The following UMAD1 variants were observed in gnomAD, a reference collection of about 807,000 sequenced individuals.
The protein encoded by UMAD1 is UBAP1-MVB12-associated (UMA)-domain containing protein 1.
A neutral mutation model predicts 6.1 loss-of-function variants in UMAD1; 8 were observed. The ratio of observed to expected loss-of-function variants is 1.30; its 90% CI spans 0.76 to 2.35. The LOEUF is 2.35. UMAD1 is among the 30% of genes most tolerant of loss of function. The pLI is 0.00. For missense variants in UMAD1, 130 were observed against 78.4 expected, an observed-to-expected ratio of 1.66 and a Z score of -2.49; for synonymous variants, 56 against 31.4, an observed-to-expected ratio of 1.78 and a Z score of -2.61.
At chr7:7,836,158 T>C (rs1783564517) in intron 3 of UMAD1, among the ~76,000 whole-genome samples, 2 of 152,052 alleles carry the variant, frequency 1.3e-5, no homozygotes, top group Non-Finnish European at 2.9e-5. Flanking sequence ...TAACAGCTTT[T>C]AATGCTTACT....
chr7:7,799,288 A>T (rs1394135365), intron 2 of UMAD1, among the ~76,000 whole-genome samples: 7 of 152,220 alleles, frequency 4.6e-5, no homozygotes, highest in Non-Finnish European at 1.0e-4. Context: ...TGCAGATGGC[A>T]ATTTTCCTTG....
intron 2 of UMAD1, among the ~76,000 whole-genome samples, chr7:7,757,472 C>A (rs1781799645): frequency 6.6e-6 from 1 of 152,094 alleles, no homozygotes; most frequent in African/African-American, 2.4e-5. Flanking sequence ...AAGTAAAGTT[C>A]TTTGTGCTGT....
intron 3 of UMAD1, 99 bp from the exon 4 acceptor site, chr7:7,877,182 C>T (rs1224831750): frequency 2.5e-5 from 16 of 631,200 alleles, no homozygotes; most frequent in East Asian, 1.6e-4. Context: ...TTTATATAGC[C>T]CACATTGCTC....
intron 3 of UMAD1, among the ~76,000 whole-genome samples, chr7:7,868,132 C>T (rs1306791583): frequency 1.3e-5 from 2 of 152,104 alleles, no homozygotes; most frequent in African/African-American, 4.8e-5. Flanking sequence ...AAAATATGAG[C>T]TGCCTGGACA....
At chr7:7,871,400 G>A (rs1004228938) in intron 3 of UMAD1, among the ~76,000 whole-genome samples, 8 of 152,172 alleles carry the variant, frequency 5.3e-5, no homozygotes, top group African/African-American at 1.9e-4. Flanking sequence ...TGGTCATTGG[G>A]TTTGATTATC....
chr7:7,645,980 G>T (rs1002272147), intron 1 of UMAD1, among the ~76,000 whole-genome samples: 1 of 152,120 alleles, frequency 6.6e-6, no homozygotes, highest in African/African-American at 2.4e-5. Context: ...CTCGGCTGCC[G>T]TGTACTCAAA....
At chr7:7,784,963 C>T (rs1782433679) in intron 2 of UMAD1, among the ~76,000 whole-genome samples, 1 of 152,050 alleles carries the variant, frequency 6.6e-6, no homozygotes, top group African/African-American at 2.4e-5. Flanking sequence ...GGGGTTTCAC[C>T]GTGTCCTTCC....
intron 2 of UMAD1, among the ~76,000 whole-genome samples, chr7:7,761,363 T>TAAAAA (rs375910269): frequency 3.3e-5 from 4 of 121,128 alleles, no homozygotes; most frequent in Non-Finnish European, 6.7e-5. Context: ...GAGACCTAAC[T>TAAAAA]AAAAAAAAAA....
intron 2 of UMAD1, among the ~76,000 whole-genome samples, chr7:7,701,697 G>T (rs559084503): frequency 4.3e-4 from 66 of 152,146 alleles, no homozygotes; most frequent in Non-Finnish European, 7.9e-4. Flanking sequence ...AGAATGACAG[G>T]GTATTTACTT....
At chr7:7,832,800 A>G (rs1467152039) in intron 3 of UMAD1, among the ~76,000 whole-genome samples, 1 of 152,222 alleles carries the variant, frequency 6.6e-6, no homozygotes, top group Non-Finnish European at 1.5e-5. Context: ...AAGCTGTAGT[A>G]AGTATTCTAC....
intron 2 of UMAD1, among the ~76,000 whole-genome samples, chr7:7,778,268 G>A: frequency 7.2e-6 from 1 of 139,766 alleles, no homozygotes; most frequent in East Asian, 2.0e-4. Flanking sequence ...GTGTGTGTGT[G>A]TGTGTGTGAG....
At chr7:7,836,464 A>G (rs17560750) in intron 3 of UMAD1, among the ~76,000 whole-genome samples, 14,386 of 151,944 alleles carry the variant, frequency 0.095, 769 homozygotes, top group Middle Eastern at 0.13. Context: ...TATTTTTTAT[A>G]CCTTTGAAGT....
chr7:7,718,514 C>T lies in UMAD1; in HGVS notation c.82+45061C>T, dbSNP rs529874466. ...TCCAACAAATTCAAACAGATACTTA[C>T]AAAATTAAGACGATTGTAAATGTGT... On this transcript the variant is annotated intron_variant, in intron 2 of 3. Coordinates refer to ENST00000682710, the MANE Select transcript of UMAD1 (RefSeq NM_001302348.2). 29 of 152,262 alleles carry T rather than the reference C, an allele frequency of 1.9e-4. 1 individual carries two copies. Among genetic ancestry groups the T allele is most frequent in the African/African-American group, 6.5e-4 (27 of 41,552 alleles). The allele number at this position is 152,262 out of a possible 1,614,324, so 9.4% of individuals were successfully genotyped here.
At chr7:7,849,049 T>C (rs976626129) in intron 3 of UMAD1, among the ~76,000 whole-genome samples, 3 of 152,176 alleles carry the variant, frequency 2.0e-5, no homozygotes, top group African/African-American at 7.2e-5. Context: ...GGGATAATGC[T>C]GAGTATGATG....
At chr7:7,763,406 A>G (rs1455034411) in intron 2 of UMAD1, among the ~76,000 whole-genome samples, 2 of 152,182 alleles carry the variant, frequency 1.3e-5, no homozygotes, top group African/African-American at 2.4e-5. Context: ...TTCAGCCCAC[A>G]TTCTCCTCCC....
chr7:7,753,911 TG>T (rs1471194993), intron 2 of UMAD1, among the ~76,000 whole-genome samples: 9 of 152,110 alleles, frequency 5.9e-5, no homozygotes. Context: ...GGGCCCGGTG[TG>T]GTGGCTCATT....
intron 2 of UMAD1, among the ~76,000 whole-genome samples, chr7:7,726,399 C>G (rs1362044320): frequency 6.6e-6 from 1 of 152,206 alleles, no homozygotes; most frequent in Non-Finnish European, 1.5e-5. Flanking sequence ...TCCCCATCAT[C>G]CTGAAGTAGC....
At chr7:7,797,336 A>G (rs996906695) in intron 2 of UMAD1, among the ~76,000 whole-genome samples, 8 of 152,158 alleles carry the variant, frequency 5.3e-5, no homozygotes, top group Admixed American at 5.2e-4. Context: ...ACATTTCAAC[A>G]TGAGTTTTGG....
chr7:7,681,972 G>A (rs1008676071), intron 2 of UMAD1, among the ~76,000 whole-genome samples: 9 of 152,066 alleles, frequency 5.9e-5, no homozygotes, highest in Admixed American at 3.9e-4. Flanking sequence ...AAAAGTAATA[G>A]GATATAAATG....
Sources: allele counts gnomAD v4.1 joint callset (sites outside exome capture counted in the v4.1 genomes callset), GRCh38; gene constraint gnomAD v4.1.1; transcripts MANE v1.5; gene names NCBI Gene and HGNC (gene_info 2026-07-23, HGNC 2026-07-21).